The following ECT2 variants were observed in gnomAD, a reference collection of about 807,000 sequenced individuals.
The protein encoded by ECT2 is protein ECT2.
In ECT2, 61 loss-of-function variants were observed where a neutral mutation model predicts 116.9. The observed-to-expected ratio is 0.52, with a 90% CI of 0.42 to 0.65. The LOEUF (loss-of-function observed/expected upper bound fraction) is 0.65, where lower values mean the gene tolerates loss of function less well. Ranked by LOEUF, ECT2 falls within the 30% of genes least tolerant of loss-of-function variation. The probability of loss-of-function intolerance (pLI) is 0.00; values close to 1 mark genes in which losing one functional copy is unlikely to be tolerated. For synonymous variants in ECT2, 358 were observed against 346.4 expected, an observed-to-expected ratio of 1.03 and a Z score of -0.37; for missense variants, 937 against 1,078.7, an observed-to-expected ratio of 0.87 and a Z score of 1.84.
intron 13 of ECT2, among the ~76,000 whole-genome samples, chr3:172,769,779 A>G (rs1284925324): frequency 2.6e-5 from 4 of 152,166 alleles, no homozygotes; most frequent in Non-Finnish European, 4.4e-5. Context: ...CCAAAAGACA[A>G]TAATAGGCCA....
chr3:172,780,006 C>A (rs914777466), intron 14 of ECT2, among the ~76,000 whole-genome samples: 7 of 152,118 alleles, frequency 4.6e-5, no homozygotes, highest in African/African-American at 1.7e-4. Context: ...ACTACCCACC[C>A]CAAATAAGAT....
chr3:172,813,634 G>T (rs1429462370), intron 22 of ECT2, among the ~76,000 whole-genome samples: 1 of 151,866 alleles, frequency 6.6e-6, no homozygotes, highest in South Asian at 2.1e-4. Context: ...TAGTTCATTG[G>T]CATTAAGTAT....
In ECT2 at chr3:172,807,792, G is replaced by A. The variant is rs1268552824; in HGVS notation, c.2268G>A (p.Leu756=). Residue 756 remains leucine (L), a synonymous_variant, in exon 22 of 25, where the codon TTG becomes TTA. Coordinates refer to ENST00000392692, the MANE Select transcript of ECT2 (RefSeq NM_001258315.2). Reference sequence around the variant, plus strand: ...TAGATTGCCATAATGCTTTTGCCTTGCTTGTGAGGCCACCAACAGAGCAGG... The same window carrying A: ...TAGATTGCCATAATGCTTTTGCCTTACTTGTGAGGCCACCAACAGAGCAGG... ...ETEDCHNAFA[L]LVRPPTEQAN... is the part of the protein sequence containing the mutation. The A allele has an allele frequency of 3.7e-6, 6 of 1,613,100 alleles. No individual in the cohort carries two copies. The highest frequency in any genetic ancestry group is 4.2e-6 in the Non-Finnish European group (5 of 1,179,542).
chr3:172,807,924 T>C lies in ECT2; in HGVS notation c.2400T>C (p.Ala800=), dbSNP rs201422629. 2.0e-4 allele frequency: 320 copies of C among 1,612,594 alleles called. 6 individuals carry two copies. The South Asian group carries it at 2.7e-3, about 13-fold the overall frequency. Reference sequence around the variant, plus strand: ...CTAACACCATTTGTAAAGCAGATGCTGTAAGTTCTTAAAACAGTATTATAA... The same window carrying C: ...CTAACACCATTTGTAAAGCAGATGCCGTAAGTTCTTAAAACAGTATTATAA... ...HVANTICKAD[A]ENLIYTADPE... Residue 800 remains alanine, a splice_region_variant and synonymous_variant, in exon 22 of 25, where the codon GCT becomes GCC. Transcript: ENST00000392692.
downstream of ECT2, among the ~76,000 whole-genome samples, chr3:172,826,330 GC>G (rs1730842507): frequency 6.6e-6 from 1 of 152,168 alleles, no homozygotes; most frequent in Non-Finnish European, 1.5e-5. Flanking sequence ...AAATCCTAGG[GC>G]CATTAAGATT....
chr3:172,756,928 A>G, intron 4 of ECT2, 55 bp from the exon 5 acceptor site: 1 of 1,419,614 alleles, frequency 7.0e-7, no homozygotes, highest in Non-Finnish European at 9.6e-7. Flanking sequence ...AGAGAGACAG[A>G]TGGATTATTT....
chr3:172,755,519 A>G lies in ECT2; in HGVS notation c.247A>G (p.Lys83Glu). Residue 83 changes from lysine to glutamate, a missense_variant, in exon 4 of 25, where the codon AAA (lysine) becomes GAA (glutamate). Transcript: ENST00000392692. ...AATGGAAGTCCCTGTTATAAAGATA[A>G]AAGAAAGTTGTCCTGGAAAATCGGA... Reference protein sequence around the residue: ...KIMEVPVIKIKESCPGKSDEK... With the variant: ...KIMEVPVIKIEESCPGKSDEK... 1 of 1,507,854 alleles carries G rather than the reference A, an allele frequency of 6.6e-7. No homozygotes were observed. The highest frequency in any genetic ancestry group is 8.9e-7 in the Non-Finnish European group (1 of 1,117,808). 93.4% of individuals were successfully genotyped at this position (1,507,854 alleles called of 1,614,324 possible). A position where few individuals can be genotyped will look rare whatever the true frequency, so the allele number is the denominator to read the frequency against.
At chr3:172,817,074 A>G (rs1195027552) in intron 24 of ECT2, among the ~76,000 whole-genome samples, 8 of 152,112 alleles carry the variant, frequency 5.3e-5, no homozygotes, top group African/African-American at 1.9e-4. Context: ...CCTTATACTT[A>G]CAAAGCTGGC....
chr3:172,781,592 A>G (rs980891775), intron 14 of ECT2, among the ~76,000 whole-genome samples: 1 of 152,160 alleles, frequency 6.6e-6, no homozygotes, highest in African/African-American at 2.4e-5. Flanking sequence ...AAGCTTTTAA[A>G]TGTTCTTCTA....
chr3:172,758,536 T>G (rs1228055161), intron 5 of ECT2, among the ~76,000 whole-genome samples: 2 of 151,802 alleles, frequency 1.3e-5, no homozygotes, highest in Non-Finnish European at 2.9e-5. Context: ...ATATCACCAT[T>G]TATTAGCTTA....
chr3:172,782,935 A>G (rs1722979168), intron 15 of ECT2, among the ~76,000 whole-genome samples: 1 of 151,874 alleles, frequency 6.6e-6, no homozygotes, highest in Admixed American at 6.6e-5. Context: ...TTCTTTATCA[A>G]GTCTATCATT....
intron 18 of ECT2, among the ~76,000 whole-genome samples, chr3:172,792,130 G>A (rs1400650129): frequency 6.6e-6 from 1 of 152,106 alleles, no homozygotes; most frequent in Non-Finnish European, 1.5e-5. Flanking sequence ...TGTTAGTGGT[G>A]TCCCGAAACA....
rs564892149 is a variant in ECT2, at chr3:172,760,087, G to A, written c.577-69G>A. ...AAGTATTTAGCAAATGCTAAATGTG[G>A]GGTAAACATAGTTTAAAATTTTGTT... On this transcript the variant is annotated intron_variant, in intron 6 of 24. Transcript: ENST00000392692. 7.7e-6 allele frequency: 7 copies of A among 912,566 alleles called. No individual in the cohort carries two copies. In the South Asian group the frequency reaches 1.1e-4, roughly 15 times the overall value. The allele number at this position is 912,566 out of a possible 1,614,324, so 56.5% of individuals were successfully genotyped here. A position where few individuals can be genotyped will look rare whatever the true frequency, so the allele number is the denominator to read the frequency against.
intron 24 of ECT2, among the ~76,000 whole-genome samples, chr3:172,819,504 A>G (rs1170626990): frequency 1.3e-5 from 2 of 152,134 alleles, no homozygotes; most frequent in Non-Finnish European, 2.9e-5. Flanking sequence ...ACGAAATTTT[A>G]AAAATTATTT....
chr3:172,763,940 G>A (rs1009064457), intron 11 of ECT2, among the ~76,000 whole-genome samples: 1 of 152,216 alleles, frequency 6.6e-6, no homozygotes, highest in Non-Finnish European at 1.5e-5. Flanking sequence ...ATTGTGTCCA[G>A]GCACTGTGCT....
chr3:172,817,716 ATC>A (rs1489291519), intron 24 of ECT2, among the ~76,000 whole-genome samples: 2 of 152,154 alleles, frequency 1.3e-5, no homozygotes, highest in Non-Finnish European at 2.9e-5. Flanking sequence ...TGAGTGAAAT[ATC>A]TGTTCTTTAT....
chr3:172,762,598 C>A, intron 9 of ECT2, 52 bp downstream of exon 9: 1 of 1,574,148 alleles, frequency 6.4e-7, no homozygotes, highest in Non-Finnish European at 8.6e-7. Flanking sequence ...CCTAGGCCTG[C>A]TTAATCACTT....
intron 8 of ECT2, 152 bp from the exon 9 acceptor site, chr3:172,762,264 A>C: frequency 9.3e-6 from 7 of 750,028 alleles, no homozygotes; most frequent in Non-Finnish European, 1.2e-5. Flanking sequence ...TTTAAACTGA[A>C]GTTTTTGTGA....
At chr3:172,757,194 C>T in intron 5 of ECT2, 29 bp downstream of exon 5, 5 of 1,386,034 alleles carry the variant, frequency 3.6e-6, no homozygotes, top group African/African-American at 1.5e-5. Context: ...TATGACTTTT[C>T]AAGTTAAAAT....
Sources: allele counts gnomAD v4.1 joint callset (sites outside exome capture counted in the v4.1 genomes callset), GRCh38; gene constraint gnomAD v4.1.1; transcripts MANE v1.5; gene names NCBI Gene and HGNC (gene_info 2026-07-23, HGNC 2026-07-21).